The following OPCML variants were observed in gnomAD, a reference collection of about 807,000 sequenced individuals.
The protein encoded by OPCML is opioid-binding protein/cell adhesion molecule.
Under a neutral mutation model 37.8 loss-of-function variants are expected in OPCML, and 13 were observed. That is an observed-to-expected ratio of 0.34 (90% CI 0.22 to 0.55). The LOEUF is 0.55. OPCML is among the 20% of genes least tolerant of loss of function. The pLI, the probability that OPCML is intolerant of heterozygous loss-of-function variation, is 0.91. For missense variants in OPCML, 341 were observed against 435.6 expected (o/e 0.78, Z 1.93); for synonymous variants, 176 against 168.8 (o/e 1.04, Z -0.33).
At chr11:132,793,887 G>A (rs1332754552) in intron 2 of OPCML, among the ~76,000 whole-genome samples, 1 of 152,126 alleles carries the variant, frequency 6.6e-6, no homozygotes, top group East Asian at 1.9e-4. Context: ...AACCTATGCA[G>A]CGTCCAGGTG....
At chr11:133,487,568 C>T (rs1292703425) in intron 1 of OPCML, among the ~76,000 whole-genome samples, 4 of 152,044 alleles carry the variant, frequency 2.6e-5, no homozygotes, top group Non-Finnish European at 5.9e-5. Flanking sequence ...TGAAATGGTC[C>T]CTTTGTTTTC....
chr11:133,462,298 T>C (rs1253343999), intron 1 of OPCML, among the ~76,000 whole-genome samples: 4 of 152,104 alleles, frequency 2.6e-5, no homozygotes, highest in African/African-American at 9.7e-5. Flanking sequence ...ATTTTTTCGA[T>C]ATGAAACCAA....
chr11:133,081,829 G>A (rs1262282514), intron 1 of OPCML, among the ~76,000 whole-genome samples: 1 of 152,064 alleles, frequency 6.6e-6, no homozygotes, highest in Non-Finnish European at 1.5e-5. Flanking sequence ...AGCGCTGGCA[G>A]CGCCCCTCCC....
intron 1 of OPCML, among the ~76,000 whole-genome samples, chr11:133,377,599 G>A (rs3935835): frequency 0.19 from 14,414 of 77,502 alleles, 1,927 homozygotes; most frequent in African/African-American, 0.43. Context: ...TCTCTCTGAC[G>A]TGCCAGTATT....
chr11:132,620,814 C>T (rs1362480039), intron 3 of OPCML, among the ~76,000 whole-genome samples: 2 of 152,190 alleles, frequency 1.3e-5, no homozygotes, highest in African/African-American at 4.8e-5. Flanking sequence ...TCTAGATTGC[C>T]ATCCATGGCC....
chr11:132,999,067 T>A (rs1946941904), intron 1 of OPCML, among the ~76,000 whole-genome samples: 2 of 152,198 alleles, frequency 1.3e-5, no homozygotes, highest in Admixed American at 1.3e-4. Context: ...TGATGTCAAC[T>A]AGCTGCAGGT....
At chr11:132,643,344 C>A (rs892377790) in intron 3 of OPCML, among the ~76,000 whole-genome samples, 1 of 152,190 alleles carries the variant, frequency 6.6e-6, no homozygotes, top group African/African-American at 2.4e-5. Context: ...GGTCGGAGAG[C>A]AGAGACCCTC....
At chr11:133,437,467 T>C (rs1348352949) in intron 1 of OPCML, among the ~76,000 whole-genome samples, 1 of 152,048 alleles carries the variant, frequency 6.6e-6, no homozygotes, top group African/African-American at 2.4e-5. Flanking sequence ...CATGGAGAAA[T>C]CCCACAGAAG....
chr11:133,075,984 G>A (rs1165444250), intron 1 of OPCML, among the ~76,000 whole-genome samples: 1 of 152,078 alleles, frequency 6.6e-6, no homozygotes, highest in South Asian at 2.1e-4. Context: ...AATATCTAAT[G>A]TAAAATCCAT....
At chr11:133,229,913 C>T (rs991767720) in intron 1 of OPCML, among the ~76,000 whole-genome samples, 6 of 152,140 alleles carry the variant, frequency 3.9e-5, no homozygotes, top group Admixed American at 6.5e-5. Flanking sequence ...GTACATGTGG[C>T]GTGAATACAT....
intron 4 of OPCML, among the ~76,000 whole-genome samples, chr11:132,490,099 A>T (rs770995277): frequency 1.3e-5 from 2 of 151,840 alleles, no homozygotes; most frequent in Non-Finnish European, 2.9e-5. Context: ...ACTGATGGGC[A>T]TTTGGGTTGG....
At chr11:133,004,908 C>A (rs1947076757) in intron 1 of OPCML, 1 of 985,302 alleles carries the variant, frequency 1.0e-6, no homozygotes, top group African/African-American at 1.7e-5. Context: ...TCACTAGCTT[C>A]TGTGGACTTC....
chr11:132,725,934 A>T (rs1944865224), intron 2 of OPCML, among the ~76,000 whole-genome samples: 1 of 152,128 alleles, frequency 6.6e-6, no homozygotes, highest in South Asian at 2.1e-4. Context: ...AGTTTCCCCA[A>T]AATTCCTCAT....
chr11:132,780,362 C>CT (rs1946964338), intron 2 of OPCML, among the ~76,000 whole-genome samples: 1 of 152,198 alleles, frequency 6.6e-6, no homozygotes, highest in Non-Finnish European at 1.5e-5. Context: ...AGGACAGCAG[C>CT]TTTTTTGATG....
Position 132,679,714 on chromosome 11 carries a change from C to A in OPCML, c.147-22395G>T, listed in dbSNP as rs561263918. On this transcript the variant is annotated intron_variant, in intron 2 of 7. Coordinates refer to ENST00000524381, the MANE Select transcript of OPCML (RefSeq NM_001012393.5). ...ACTCTGCAAATATACGAAAAACAAACAAGGTGCACACTTTAAATGAGTAAA... is the reference window on the plus strand; with the variant it reads ...ACTCTGCAAATATACGAAAAACAAAAAAGGTGCACACTTTAAATGAGTAAA... Among the ~76,000 whole-genome samples the A allele has an allele frequency of 5.9e-5, 9 of 152,232 alleles. No individual in the cohort carries two copies. The East Asian group carries it at 1.5e-3, about 26-fold the overall frequency.
intron 2 of OPCML, among the ~76,000 whole-genome samples, chr11:132,702,075 T>C (rs1165814701): frequency 6.6e-6 from 1 of 152,198 alleles, no homozygotes; most frequent in African/African-American, 2.4e-5. Context: ...TGAACTATTA[T>C]ACTAGAGTTA....
chr11:132,606,995 T>A (rs1938345166), intron 3 of OPCML, among the ~76,000 whole-genome samples: 1 of 152,124 alleles, frequency 6.6e-6, no homozygotes, highest in Admixed American at 6.5e-5. Context: ...GTGGCATAAC[T>A]TAGAGAAAAA....
intron 2 of OPCML, among the ~76,000 whole-genome samples, chr11:132,715,050 A>AGGG (rs552163661): frequency 6.6e-6 from 1 of 152,118 alleles, no homozygotes; most frequent in African/African-American, 2.4e-5. Flanking sequence ...CTCATGGGCA[A>AGGG]GGGAGGGCAG....
intron 2 of OPCML, among the ~76,000 whole-genome samples, chr11:132,854,191 A>T (rs926182193): frequency 8.5e-5 from 13 of 152,134 alleles, no homozygotes; most frequent in Non-Finnish European, 1.6e-4. Flanking sequence ...GGATTTTTTT[A>T]AAGGATACAA....
Sources: allele counts gnomAD v4.1 joint callset (sites outside exome capture counted in the v4.1 genomes callset), GRCh38; gene constraint gnomAD v4.1.1; transcripts MANE v1.5; gene names NCBI Gene and HGNC (gene_info 2026-07-23, HGNC 2026-07-21).